NBPF20: variants seen among roughly 807,000 people sequenced by gnomAD.
The protein encoded by NBPF20 is NBPF member 20.
Under a neutral mutation model 68.1 loss-of-function variants are expected in NBPF20, and 90 were observed. That is an observed-to-expected ratio of 1.32 (90% confidence interval 1.11 to 1.58). NBPF20 has a LOEUF of 1.58. Among genes scored for constraint, NBPF20 ranks in the 40% most tolerant of loss-of-function variants. The pLI, the probability that NBPF20 is intolerant of heterozygous loss-of-function variation, is 0.00. For missense variants in NBPF20, 816 were observed against 601.2 expected (o/e 1.36, Z -3.74); for synonymous variants, 290 against 228.1 (o/e 1.27, Z -2.45).
chr1:145,402,672 T>C (rs1217652842), intron 3 of NBPF20, among the ~76,000 whole-genome samples: 112 of 150,954 alleles, frequency 7.4e-4, no homozygotes, highest in African/African-American at 2.7e-3. Flanking sequence ...ATCCTTTCAG[T>C]TCCTCACTCT....
At chr1:145,419,610 C>T in the NBPF20 span, among the ~76,000 whole-genome samples, 152 of 152,182 alleles carry the variant, frequency 1.0e-3, 1 homozygote, top group Non-Finnish European at 1.7e-3. Context: ...TGACATCGTC[C>T]ATTTGTCATT....
intron 6 of NBPF20, among the ~76,000 whole-genome samples, chr1:145,400,096 G>C (rs1467181965): frequency 6.6e-6 from 1 of 152,196 alleles, no homozygotes; most frequent in Non-Finnish European, 1.5e-5. Flanking sequence ...AATCACAGAT[G>C]ACAAGAGATA....
rs782225183 is a variant in NBPF20 at position 145,291,613 on chromosome 1, G to A, written c.16854C>T (p.Phe5618=). The A allele has an allele frequency of 8.1e-5, 131 of 1,611,822 alleles. No homozygotes were observed. In the South Asian group the frequency reaches 9.8e-4, roughly 12 times the overall value. ...AAAACCTATTGTCCACGTAAAGGGC[G>A]AAGCTGATGTGCTGTTCCTCAAATG... The change falls in exon 138 of 138, where the codon TTC becomes TTT. Residue 5618 remains phenylalanine (F), a synonymous_variant. Transcript: ENST00000369373.
chr1:145,421,930 A>C, the NBPF20 span, among the ~76,000 whole-genome samples: 1 of 152,066 alleles, frequency 6.6e-6, no homozygotes, highest in Non-Finnish European at 1.5e-5. Flanking sequence ...CCCAGCTACT[A>C]AGGAAGCTGA....
chr1:145,393,476 C>CAA (rs1662032547), intron 9 of NBPF20, among the ~76,000 whole-genome samples: 1 of 151,750 alleles, frequency 6.6e-6, no homozygotes, highest in Non-Finnish European at 1.5e-5. Context: ...CACACACACA[C>CAA]ACACACACAC....
intron 2 of NBPF20, among the ~76,000 whole-genome samples, chr1:145,404,845 C>A (rs1281740538): frequency 6.6e-6 from 1 of 150,552 alleles, no homozygotes; most frequent in Admixed American, 6.6e-5. Context: ...GAAAACAGGT[C>A]GTTCTGTGCC....
At chr1:145,346,269 G>C (rs1661640383) in intron 69 of NBPF20, 53 bp downstream of exon 74, 2 of 81,224 alleles carry the variant, frequency 2.5e-5, no homozygotes, top group African/African-American at 5.1e-4. Context: ...CCCTGAATCT[G>C]TTGCCTCCAG....
At chr1:145,424,331 A>G in the NBPF20 span, among the ~76,000 whole-genome samples, 48 of 152,024 alleles carry the variant, frequency 3.2e-4, no homozygotes, top group African/African-American at 1.1e-3. Context: ...CTTTTCAAAG[A>G]TTTCTTTGAC....
chr1:145,395,614 C>T (rs1662191804), intron 7 of NBPF20, among the ~76,000 whole-genome samples: 33 of 149,886 alleles, frequency 2.2e-4, no homozygotes, highest in Non-Finnish European at 1.5e-5. Flanking sequence ...TACTAGCCAA[C>T]ATACTACCAA....
chr1:145,422,657 A>G, the NBPF20 span, among the ~76,000 whole-genome samples: 1 of 152,170 alleles, frequency 6.6e-6, no homozygotes, highest in East Asian at 1.9e-4. Context: ...TCTTTTCAAT[A>G]AATGGTGCTG....
chr1:145,393,574 G>T (rs1448371474), intron 9 of NBPF20: 1 of 647,346 alleles, frequency 1.5e-6, no homozygotes, highest in East Asian at 2.7e-5. Context: ...AGGACACACT[G>T]TGAACAGTGA....
At chr1:145,410,346 G>A (rs1200923980), upstream of NBPF20, among the ~76,000 whole-genome samples, 8 of 145,188 alleles carry the variant, frequency 5.5e-5, no homozygotes, top group Non-Finnish European at 7.5e-5. Flanking sequence ...ACGGAGTCTC[G>A]CTCTGTCGCC....
chr1:145,398,613 C>T (rs1202394037), intron 7 of NBPF20, among the ~76,000 whole-genome samples: 2 of 151,894 alleles, frequency 1.3e-5, no homozygotes, highest in African/African-American at 2.4e-5. Flanking sequence ...TAAATGCCCA[C>T]AAGAGAAAGC....
At chr1:145,290,076 T>A (rs1660965552) in exon 138 of NBPF20, 1 of 150,018 alleles carries the variant, frequency 6.7e-6, no homozygotes, top group Non-Finnish European at 1.5e-5. Flanking sequence ...AGGCAGAGAA[T>A]GTCTTCTTCT....
chr1:145,400,857 T>C (rs1471457660), intron 5 of NBPF20, among the ~76,000 whole-genome samples: 2 of 151,878 alleles, frequency 1.3e-5, no homozygotes, highest in Admixed American at 6.5e-5. Context: ...CAGCTATCCC[T>C]GTACGGTGCA....
At chr1:145,398,247 G>A (rs1168988432) in intron 7 of NBPF20, among the ~76,000 whole-genome samples, 2 of 151,650 alleles carry the variant, frequency 1.3e-5, no homozygotes, top group Admixed American at 6.6e-5. Flanking sequence ...GACATCTACA[G>A]AACTCTCCAC....
intron 112 of NBPF20, among the ~76,000 whole-genome samples, chr1:145,311,852 G>A (rs1474560775): frequency 2.7e-5 from 3 of 110,550 alleles, no homozygotes; most frequent in Non-Finnish European, 5.5e-5. Context: ...ATTGTTCACG[G>A]TAGCGAGGAT....
chr1:145,394,919 T>A (rs1662149406), intron 8 of NBPF20, 59 bp downstream of exon 13: 4 of 1,599,496 alleles, frequency 2.5e-6, no homozygotes, highest in South Asian at 2.2e-5. Context: ...GCCCAAAGAT[T>A]ATGGGGTCTA....
At chr1:145,411,264 T>A in the NBPF20 span, among the ~76,000 whole-genome samples, 2 of 149,994 alleles carry the variant, frequency 1.3e-5, no homozygotes, top group African/African-American at 4.9e-5. Flanking sequence ...ACATAACAAC[T>A]CTTCTGATCC....
Sources: gnomAD v4.1 joint callset for allele counts (sites outside exome capture counted in the v4.1 genomes callset) on GRCh38, gnomAD v4.1.1 for gene constraint, MANE v1.5 for transcripts, NCBI Gene and HGNC (gene_info 2026-07-23, HGNC 2026-07-21) for gene names.